The following EPHA6 variants were observed in gnomAD, a reference collection of about 807,000 sequenced individuals.
The protein encoded by EPHA6 is EPH receptor A6.
Under a neutral mutation model 112.0 loss-of-function variants are expected in EPHA6, and 50 were observed. The ratio of observed to expected loss-of-function variants is 0.45; its 90% CI spans 0.36 to 0.56. The LOEUF (loss-of-function observed/expected upper bound fraction) is 0.56, where lower values mean the gene tolerates loss of function less well. Ranked by LOEUF, EPHA6 falls within the 20% of genes least tolerant of loss-of-function variation. The pLI is 0.00. For synonymous variants in EPHA6, 529 were observed against 490.7 expected (o/e 1.08, Z -1.03); for missense variants, 1,280 against 1,417.4 (o/e 0.90, Z 1.56).
chr3:97,241,557 A>C (rs1406486994), intron 4 of EPHA6, among the ~76,000 whole-genome samples: 1 of 151,820 alleles, frequency 6.6e-6, no homozygotes, highest in Non-Finnish European at 1.5e-5. Context: ...ATTTAGTTGA[A>C]TCTGAGGATT....
In EPHA6 at chr3:97,107,576, TCTAA is replaced by T. The variant is rs140558082; in HGVS notation, c.1115-118683_1115-118680del. Among the ~76,000 whole-genome samples the T allele has an allele frequency of 1.3e-3, 198 of 152,314 alleles. 1 individual carries two copies. The highest frequency in any genetic ancestry group is 2.3e-3 in the Non-Finnish European group (158 of 68,010). ...ATTCGTAACTGACTAATTTCTAACTTCTAACTAAGTTATTTCTAACTTCATGCTT... is the reference window on the plus strand; with the variant it reads ...ATTCGTAACTGACTAATTTCTAACTTCTAAGTTATTTCTAACTTCATGCTT... On this transcript the variant is annotated intron_variant, in intron 3 of 17. Coordinates refer to ENST00000389672, the MANE Select transcript of EPHA6 (RefSeq NM_001080448.3).
chr3:97,724,674 C>T (rs992265690), intron 15 of EPHA6, among the ~76,000 whole-genome samples: 8 of 151,722 alleles, frequency 5.3e-5, no homozygotes, highest in African/African-American at 1.9e-4. Context: ...GGCTTGAGCC[C>T]AAGAGTTCCA....
At chr3:97,622,859 T>G (rs973718397) in intron 13 of EPHA6, among the ~76,000 whole-genome samples, 2 of 151,798 alleles carry the variant, frequency 1.3e-5, no homozygotes, top group African/African-American at 4.8e-5. Context: ...GATTTGTGGT[T>G]TTCAGGATCT....
chr3:97,220,496 G>A (rs932474380), intron 3 of EPHA6, among the ~76,000 whole-genome samples: 1 of 152,172 alleles, frequency 6.6e-6, no homozygotes, highest in South Asian at 2.1e-4. Flanking sequence ...AACATGTCTG[G>A]AGAAGCCTCA....
intron 2 of EPHA6, among the ~76,000 whole-genome samples, chr3:96,915,815 T>A (rs1278975814): frequency 6.6e-6 from 1 of 152,094 alleles, no homozygotes; most frequent in Non-Finnish European, 1.5e-5. Flanking sequence ...AAATTCATTC[T>A]ATTTAGTTTG....
intron 5 of EPHA6, among the ~76,000 whole-genome samples, chr3:97,352,865 G>A (rs766744186): frequency 5.9e-5 from 9 of 152,070 alleles, no homozygotes; most frequent in Non-Finnish European, 1.2e-4. Context: ...CAGTTCACAG[G>A]TCCAGGAGAG....
chr3:97,625,385 T>A (rs1046328171), intron 13 of EPHA6, among the ~76,000 whole-genome samples: 17 of 151,834 alleles, frequency 1.1e-4, no homozygotes, highest in Admixed American at 7.9e-4. Flanking sequence ...TTACTTTATC[T>A]GTTGTAGTCA....
intron 2 of EPHA6, among the ~76,000 whole-genome samples, chr3:96,871,085 C>T (rs1378014769): frequency 2.0e-5 from 3 of 151,882 alleles, no homozygotes; most frequent in African/African-American, 7.2e-5. Context: ...ATTTTTTCTT[C>T]TTAGAAACTT....
intron 6 of EPHA6, among the ~76,000 whole-genome samples, chr3:97,430,383 C>T (rs184490146): frequency 6.6e-6 from 1 of 152,050 alleles, no homozygotes; most frequent in East Asian, 1.9e-4. Flanking sequence ...ACTAAAATCA[C>T]TAATAATTTT....
intron 5 of EPHA6, among the ~76,000 whole-genome samples, chr3:97,336,147 T>C (rs2083047274): frequency 6.6e-6 from 1 of 152,166 alleles, no homozygotes; most frequent in African/African-American, 2.4e-5. Context: ...TTGTGGCTAA[T>C]TTCTTAGTCC....
chr3:97,608,540 G>A (rs989049942), intron 12 of EPHA6, among the ~76,000 whole-genome samples: 1 of 151,354 alleles, frequency 6.6e-6, no homozygotes, highest in African/African-American at 2.4e-5. Flanking sequence ...ACATTTCATA[G>A]TGTACACAAC....
intron 14 of EPHA6, among the ~76,000 whole-genome samples, chr3:97,683,471 A>G (rs1196201389): frequency 2.0e-5 from 3 of 152,182 alleles, no homozygotes; most frequent in Admixed American, 6.5e-5. Context: ...GGATAATCAA[A>G]TCACCCTCTG....
At chr3:97,293,486 C>T (rs1049039708) in intron 5 of EPHA6, among the ~76,000 whole-genome samples, 2 of 152,210 alleles carry the variant, frequency 1.3e-5, no homozygotes, top group Non-Finnish European at 2.9e-5. Context: ...TGGAGGGGAG[C>T]TCCTTTCTAC....
intron 5 of EPHA6, among the ~76,000 whole-genome samples, chr3:97,361,401 G>A (rs1559921119): frequency 1.3e-5 from 2 of 152,174 alleles, no homozygotes; most frequent in African/African-American, 4.8e-5. Context: ...AGGAACAGTT[G>A]CCATGAATAG....
chr3:97,603,157 GA>G (rs1424765073), intron 12 of EPHA6, among the ~76,000 whole-genome samples: 1 of 151,918 alleles, frequency 6.6e-6, no homozygotes, highest in Non-Finnish European at 1.5e-5. Context: ...AATCCAACAT[GA>G]GGCAAATTTG....
chr3:97,249,862 ACTGTT>A (rs998987203), intron 5 of EPHA6, among the ~76,000 whole-genome samples: 1 of 152,200 alleles, frequency 6.6e-6, no homozygotes, highest in African/African-American at 2.4e-5. Flanking sequence ...TCTGGCAAGA[ACTGTT>A]CTGTGTTCTA....
chr3:96,925,698 T>A (rs893223187), intron 2 of EPHA6, among the ~76,000 whole-genome samples: 1 of 151,026 alleles, frequency 6.6e-6, no homozygotes, highest in Admixed American at 6.6e-5. Flanking sequence ...TTCTGCCTCC[T>A]GAGTTCAAGT....
At chr3:97,722,620 G>T (rs1251116989) in intron 15 of EPHA6, among the ~76,000 whole-genome samples, 1 of 151,980 alleles carries the variant, frequency 6.6e-6, no homozygotes, top group Admixed American at 6.6e-5. Flanking sequence ...TCTAATGGGA[G>T]GGAGATAGAC....
intron 6 of EPHA6, among the ~76,000 whole-genome samples, chr3:97,428,973 T>C (rs1302297153): frequency 6.6e-6 from 1 of 152,184 alleles, no homozygotes; most frequent in East Asian, 1.9e-4. Context: ...GAAAGAGCTT[T>C]CTTGCCTCCT....
Sources: gnomAD v4.1 joint callset for allele counts (sites outside exome capture counted in the v4.1 genomes callset) on GRCh38, gnomAD v4.1.1 for gene constraint, MANE v1.5 for transcripts, NCBI Gene and HGNC (gene_info 2026-07-23, HGNC 2026-07-21) for gene names.